Variants in PTPRK observed in about 807,000 individuals in gnomAD.
PTPRK encodes protein tyrosine phosphatase receptor type K.
PTPRK carries 75 observed loss-of-function variants against 178.0 expected under a neutral mutation model. That is an observed-to-expected ratio of 0.42 (90% CI 0.35 to 0.51). The LOEUF is 0.51. Ranked by LOEUF, PTPRK falls within the 20% of genes least tolerant of loss-of-function variation. PTPRK has a pLI of 0.02. For missense variants in PTPRK, 1,441 were observed against 1,797.8 expected (o/e 0.80, Z 3.59); for synonymous variants, 637 against 620.6 (o/e 1.03, Z -0.39).
intron 7 of PTPRK, among the ~76,000 whole-genome samples, chr6:128,097,598 TTAA>T (rs1335523225): frequency 1.3e-5 from 2 of 152,154 alleles, no homozygotes; most frequent in African/African-American, 2.4e-5. Context: ...TGGAGACCCT[TTAA>T]TGTCTTTCAC....
chr6:128,078,998 TAA>T, intron 10 of PTPRK, 80 bp from the exon 11 acceptor site: 1 of 875,758 alleles, frequency 1.1e-6, no homozygotes, highest in Non-Finnish European at 1.8e-6. Context: ...CAGACAATCT[TAA>T]GTTAGGAAAA....
chr6:128,211,680 T>C (rs1238673994), intron 6 of PTPRK, among the ~76,000 whole-genome samples: 3 of 152,124 alleles, frequency 2.0e-5, no homozygotes, highest in East Asian at 3.8e-4. Context: ...GTATATTAGC[T>C]AGCTTTTTAA....
At chr6:128,306,871 T>C (rs1267800501) in intron 3 of PTPRK, among the ~76,000 whole-genome samples, 2 of 152,142 alleles carry the variant, frequency 1.3e-5, no homozygotes, top group East Asian at 3.8e-4. Flanking sequence ...CAGCTGCACA[T>C]GATCTGTGTG....
chr6:128,499,089 CA>C (rs1430204838), intron 1 of PTPRK, among the ~76,000 whole-genome samples: 1 of 151,950 alleles, frequency 6.6e-6, no homozygotes, highest in Admixed American at 6.6e-5. Context: ...TGAGTTCATA[CA>C]GGTATGTCCA....
At chr6:128,134,100 A>G (rs1017794520) in intron 7 of PTPRK, among the ~76,000 whole-genome samples, 2 of 152,228 alleles carry the variant, frequency 1.3e-5, no homozygotes, top group African/African-American at 4.8e-5. Context: ...TTTACCAATA[A>G]TTAGCAATAA....
At chr6:128,459,952 C>A (rs1280294016) in intron 1 of PTPRK, among the ~76,000 whole-genome samples, 1 of 152,090 alleles carries the variant, frequency 6.6e-6, no homozygotes, top group African/African-American at 2.4e-5. Context: ...TCTCACATGG[C>A]AGGAGCAGGA....
chr6:128,132,341 A>G (rs998013612), intron 7 of PTPRK, among the ~76,000 whole-genome samples: 1 of 152,032 alleles, frequency 6.6e-6, no homozygotes, highest in Non-Finnish European at 1.5e-5. Context: ...CGCCCGGCTA[A>G]TTTTTTGTAT....
chr6:128,194,836 G>T (rs1804575469), intron 6 of PTPRK, among the ~76,000 whole-genome samples: 1 of 152,006 alleles, frequency 6.6e-6, no homozygotes, highest in Non-Finnish European at 1.5e-5. Context: ...TATAGCACTG[G>T]CTATTATTCC....
intron 1 of PTPRK, among the ~76,000 whole-genome samples, chr6:128,468,739 TCTC>T (rs1850218739): frequency 6.6e-6 from 1 of 152,054 alleles, no homozygotes; most frequent in Non-Finnish European, 1.5e-5. Flanking sequence ...TGTTTTATTT[TCTC>T]CTAAATTTTC....
rs1346141684 is a variant in PTPRK, at chr6:128,146,867, G to A, written c.1162+37565C>T. On this transcript the variant is annotated intron_variant, in intron 7 of 29. Transcript: ENST00000368226. ...TAATACTTTAAAATCATTCTGTGGAGCAGTGTATAATACTCAACAATTTCA... is the reference window on the plus strand; with the variant it reads ...TAATACTTTAAAATCATTCTGTGGAACAGTGTATAATACTCAACAATTTCA... Among the ~76,000 whole-genome samples, 5 of 152,258 alleles carry A rather than the reference G, an allele frequency of 3.3e-5. No homozygotes were observed. The East Asian group carries it at 9.7e-4, about 29-fold the overall frequency.
intron 3 of PTPRK, among the ~76,000 whole-genome samples, chr6:128,296,787 C>A (rs1362329132): frequency 6.6e-6 from 1 of 152,126 alleles, no homozygotes; most frequent in Non-Finnish European, 1.5e-5. Flanking sequence ...ATTGTAAAGA[C>A]CATCGAGGCT....
chr6:128,308,248 A>G (rs910935105), intron 3 of PTPRK, among the ~76,000 whole-genome samples: 1 of 152,160 alleles, frequency 6.6e-6, no homozygotes, highest in Admixed American at 6.5e-5. Flanking sequence ...AAAGAAACAA[A>G]ATGATGAACA....
intron 7 of PTPRK, among the ~76,000 whole-genome samples, chr6:128,096,079 GAAAT>G (rs904265667): frequency 6.6e-6 from 1 of 152,026 alleles, no homozygotes; most frequent in Admixed American, 6.6e-5. Context: ...GAAATATAAA[GAAAT>G]GTCAGAAAAT....
At chr6:128,230,312 A>T (rs1454875695) in intron 5 of PTPRK, among the ~76,000 whole-genome samples, 2 of 152,236 alleles carry the variant, frequency 1.3e-5, no homozygotes, top group East Asian at 3.8e-4. Flanking sequence ...CTACAGATTA[A>T]AAGTGACTTA....
At chr6:128,002,037 T>C (rs1777889134) in intron 15 of PTPRK, among the ~76,000 whole-genome samples, 1 of 151,706 alleles carries the variant, frequency 6.6e-6, no homozygotes, top group Non-Finnish European at 1.5e-5. Flanking sequence ...TTCCTAACCA[T>C]TATTGGTGGA....
chr6:128,267,224 C>T (rs1279241669), intron 3 of PTPRK, among the ~76,000 whole-genome samples: 1 of 151,914 alleles, frequency 6.6e-6, no homozygotes, highest in East Asian at 1.9e-4. Context: ...TTTAAACAGG[C>T]AAAAATGTAA....
chr6:128,158,435 G>A (rs371820764), intron 7 of PTPRK, among the ~76,000 whole-genome samples: 1 of 151,810 alleles, frequency 6.6e-6, no homozygotes, highest in African/African-American at 2.4e-5. Context: ...GTATCTATAA[G>A]GAAATGACAA....
intron 1 of PTPRK, among the ~76,000 whole-genome samples, chr6:128,421,895 C>G (rs566840383): frequency 6.6e-6 from 1 of 152,326 alleles, no homozygotes. Context: ...GAACACCTTA[C>G]TCTTATGAAC....
intron 6 of PTPRK, among the ~76,000 whole-genome samples, chr6:128,185,770 A>C (rs1382423586): frequency 1.3e-5 from 2 of 152,134 alleles, no homozygotes; most frequent in Admixed American, 1.3e-4. Context: ...GGGTGGACTG[A>C]AGAAGGTACA....
Sources: allele counts gnomAD v4.1 joint callset (sites outside exome capture counted in the v4.1 genomes callset), GRCh38; gene constraint gnomAD v4.1.1; transcripts MANE v1.5; gene names NCBI Gene and HGNC (gene_info 2026-07-23, HGNC 2026-07-21).